Variants in ADAT3 observed in about 807,000 individuals in gnomAD.
ADAT3 encodes tRNA-specific adenosine-34 deaminase regulatory subunit ADAT3.
ADAT3 carries 2 observed loss-of-function variants against 3.5 expected under a neutral mutation model. The ratio of observed to expected loss-of-function variants is 0.57; its 90% CI spans 0.23 to 1.79. The LOEUF is 1.79. ADAT3 is among the 40% of genes most tolerant of loss of function. The probability of loss-of-function intolerance (pLI) is 0.18; values close to 1 mark genes in which losing one functional copy is unlikely to be tolerated. For missense variants in ADAT3, 735 were observed against 571.4 expected (o/e 1.29, Z -2.92); for synonymous variants, 358 against 270.3 (o/e 1.32, Z -3.18).
Position 1,908,243 on chromosome 19 carries a change from C to T in ADAT3, c.-159+2804C>T, listed in dbSNP as rs555994594. ...GCGGCAGCACCTGGCGCTGCCTCCG[C>T]GCTTCCTGCTCCCGGCTCCCACTGC... On this transcript the variant is annotated intron_variant, in intron 1 of 1. Coordinates refer to ENST00000329478, the MANE Select transcript of ADAT3 (RefSeq NM_138422.4). The surrounding 1 kb of genome is among the most constrained non-coding windows in gnomAD (Gnocchi z 4.2). The T allele has an allele frequency of 1.4e-5, 4 of 285,710 alleles. No individual in the cohort carries two copies. Among genetic ancestry groups the T allele is most frequent in the African/African-American group, 2.3e-5 (1 of 43,216 alleles). 17.7% of individuals were successfully genotyped at this position (285,710 alleles called of 1,614,324 possible).
At position 1,911,979 on chromosome 19, in the gene ADAT3, C is replaced by T. The variant is rs2013474923; in HGVS notation, c.-69C>T. On this transcript the variant is annotated 5_prime_UTR_variant, in exon 2 of 2. Coordinates refer to ENST00000329478, the MANE Select transcript of ADAT3 (RefSeq NM_138422.4). ...GCCTCAGCTTTGGTGGCAGCACGCC[C>T]TGCCTTGTGGAGCCACGGCCTCCCG... is the stretch of plus-strand genomic sequence containing the variant. 3.5e-6 allele frequency: 5 copies of T among 1,409,310 alleles called. No homozygotes were observed. The highest frequency in any genetic ancestry group is 5.5e-5 in the East Asian group (2 of 36,472). The allele number at this position is 1,409,310 out of a possible 1,614,324, so 87.3% of individuals were successfully genotyped here. A position where few individuals can be genotyped will look rare whatever the true frequency, so the allele number is the denominator to read the frequency against.
rs1260689578 is a variant in ADAT3 at position 1,908,532 on chromosome 19, C to T, written c.-159+3093C>T. ...AGCGGGGATGTGTAGTCCAGGCTGG[C>T]AGTTCAGGATCACCCGGCTGGAGTC... On this transcript the variant is annotated intron_variant, in intron 1 of 1. Transcript: ENST00000329478. This position sits in a 1 kb window ranked among gnomAD's most constrained non-coding sequence, Gnocchi z 4.2. The T allele has an allele frequency of 2.1e-6, 1 of 471,044 alleles. No homozygotes were observed. The highest frequency in any genetic ancestry group is 2.0e-5 in the African/African-American group (1 of 50,096). 29.2% of individuals were successfully genotyped at this position (471,044 alleles called of 1,614,324 possible). A position where few individuals can be genotyped will look rare whatever the true frequency, so the allele number is the denominator to read the frequency against.
At chr19:1,909,360 G>GC (rs1280699527) in intron 1 of ADAT3, among the ~76,000 whole-genome samples, 3 of 152,204 alleles carry the variant, frequency 2.0e-5, no homozygotes, top group African/African-American at 7.2e-5. Flanking sequence ...CCCGCCTAGG[G>GC]CAGGCTCCCT....
chr19:1,912,400 G>A lies in ADAT3; in HGVS notation c.353G>A (p.Gly118Asp). The change falls in exon 2 of 2, where the codon GGC becomes GAC. Residue 118 changes from glycine (G) to aspartate (D), a missense_variant. Coordinates refer to ENST00000329478, the MANE Select transcript of ADAT3 (RefSeq NM_138422.4). The part of the protein sequence containing the change: ...MLLCLAGPAS[G>D]PRSLAELLPR... ...CTTTGCCTGGCTGGGCCGGCCTCGG[G>A]CCCGCGCTCGCTGGCTGAGCTCCTG... is the stretch of plus-strand genomic sequence containing the variant. 5.3e-6 allele frequency: 8 copies of A among 1,515,816 alleles called. No homozygotes were observed. Among genetic ancestry groups the A allele is most frequent in the Non-Finnish European group, 6.1e-6 (7 of 1,139,200 alleles). 93.9% of individuals were successfully genotyped at this position (1,515,816 alleles called of 1,614,324 possible). A position where few individuals can be genotyped will look rare whatever the true frequency, so the allele number is the denominator to read the frequency against.
In ADAT3 at chr19:1,912,595, C is replaced by G. The variant is rs139117131; in HGVS notation, c.548C>G (p.Thr183Arg). The change falls in exon 2 of 2, where the codon ACG becomes AGG. Residue 183 changes from threonine to arginine, a missense_variant. Physicochemically the swap from Thr to Arg is moderately conservative, Grantham distance 71. Coordinates refer to ENST00000329478, the MANE Select transcript of ADAT3 (RefSeq NM_138422.4). ...GCCCTGGCTGGGCGGCTCTTCTCCA[C>G]GCAGGAGCGCGCCGCCATGCAGAGC... ...TSALAGRLFSTQERAAMQSHM... is the reference protein window; with the variant it reads ...TSALAGRLFSRQERAAMQSHM... 6.7e-7 allele frequency: 1 copy of G among 1,489,538 alleles called. No individual in the cohort carries two copies. Among genetic ancestry groups the G allele is most frequent in the Non-Finnish European group, 8.9e-7 (1 of 1,126,428 alleles). The allele number at this position is 1,489,538 out of a possible 1,614,324, so 92.3% of individuals were successfully genotyped here. A position where few individuals can be genotyped will look rare whatever the true frequency, so the allele number is the denominator to read the frequency against.
Position 1,912,003 on chromosome 19 carries a change from C to A in ADAT3, c.-45C>A. 1 of 1,415,844 alleles carries A rather than the reference C, an allele frequency of 7.1e-7. No individual in the cohort carries two copies. Among genetic ancestry groups the A allele is most frequent in the Non-Finnish European group, 9.2e-7 (1 of 1,091,942 alleles). The allele number at this position is 1,415,844 out of a possible 1,614,324, so 87.7% of individuals were successfully genotyped here. Reference sequence around the variant, plus strand: ...CCTGCCTTGTGGAGCCACGGCCTCCCGGGACGGACTCCCCGGCTCTCCCCC... The same window carrying A: ...CCTGCCTTGTGGAGCCACGGCCTCCAGGGACGGACTCCCCGGCTCTCCCCC... On this transcript the variant is annotated 5_prime_UTR_variant, in exon 2 of 2. Coordinates refer to ENST00000329478, the MANE Select transcript of ADAT3 (RefSeq NM_138422.4).
Position 1,912,869 on chromosome 19 carries a change from G to T in ADAT3, c.822G>T (p.Gln274His), listed in dbSNP as rs376361991. 3 of 1,600,626 alleles carry T rather than the reference G, an allele frequency of 1.9e-6. No individual in the cohort carries two copies. Among genetic ancestry groups the T allele is most frequent in the Non-Finnish European group, 2.5e-6 (3 of 1,177,742 alleles). The change falls in exon 2 of 2, where the codon CAG becomes CAT. Residue 274 changes from glutamine (Q) to histidine (H), a missense_variant. Transcript: ENST00000329478. The stretch of plus-strand genomic sequence containing the variant: ...CCTTCGCCCCGGCCGCTGCCCCCCA[G>T]GCCGTCCGCGCAGGCGCCGTGCGTA... ...ACSFAPAAAPQAVRAGAVRKL... is the reference protein window; with the variant it reads ...ACSFAPAAAPHAVRAGAVRKL...
chr19:1,912,737 C>T lies in ADAT3; in HGVS notation c.690C>T (p.Cys230=), dbSNP rs772217622. 5.2e-6 allele frequency: 8 copies of T among 1,539,130 alleles called. No homozygotes were observed. Among genetic ancestry groups the T allele is most frequent in the Admixed American group, 1.9e-5 (1 of 52,170 alleles). ...GCGTGCTGGCCACCGGCCACGACTG[C>T]AGCTGCGCGGACAACCCCCTCCTGC... is the stretch of plus-strand genomic sequence containing the variant. ...SDRVLATGHD[C]SCADNPLLHA... Residue 230 remains cysteine (C), a synonymous_variant, in exon 2 of 2, where the codon TGC becomes TGT. Coordinates refer to ENST00000329478, the MANE Select transcript of ADAT3 (RefSeq NM_138422.4).
At chr19:1,911,179 AT>A (rs910257449) in intron 1 of ADAT3, among the ~76,000 whole-genome samples, 2 of 145,750 alleles carry the variant, frequency 1.4e-5, no homozygotes, top group African/African-American at 5.0e-5. Flanking sequence ...CCGGGTTTTC[AT>A]TTTTTTTTTG....
At chr19:1,910,260 G>A (rs146624364) in intron 1 of ADAT3, among the ~76,000 whole-genome samples, 243 of 152,350 alleles carry the variant, frequency 1.6e-3, no homozygotes, top group Admixed American at 3.0e-3. Context: ...TGCAACTCAC[G>A]CAGGCGTTGG....
intron 1 of ADAT3, among the ~76,000 whole-genome samples, chr19:1,909,584 GCAGCAGGGA>G (rs2013327852): frequency 1.0e-5 from 1 of 99,790 alleles, no homozygotes; most frequent in African/African-American, 5.2e-5. Flanking sequence ...ACCTGTGCCA[GCAGCAGGGA>G]TGTCCTCACC....
chr19:1,910,303 G>T (rs943605440), intron 1 of ADAT3, among the ~76,000 whole-genome samples: 13 of 152,216 alleles, frequency 8.5e-5, no homozygotes, highest in African/African-American at 2.9e-4. Context: ...GGGGGACCAA[G>T]GGTCCTGCTC....
intron 1 of ADAT3, chr19:1,906,216 T>G (rs1306433135): frequency 6.6e-6 from 1 of 151,986 alleles, no homozygotes; most frequent in Non-Finnish European, 1.5e-5. Context: ...AAAAATTAGC[T>G]GGGCGTGGTG....
Position 1,913,045 on chromosome 19 carries a change from TG to T in ADAT3, c.1001del (p.Gly334AlafsTer?). On this transcript the variant is annotated frameshift_variant, in exon 2 of 2. Transcript: ENST00000329478. LOFTEE classifies it high-confidence loss of function. ...FYGAPSPDGA[L>X]GTRFRIHARP... ...GGTGCGCCCTCGCCCGACGGCGCCCTGGGCACCCGCTTCCGCATCCACGCAC... is the reference window on the plus strand; with the variant it reads ...GGTGCGCCCTCGCCCGACGGCGCCCTGGCACCCGCTTCCGCATCCACGCAC... The T allele has an allele frequency of 6.2e-7, 1 of 1,603,700 alleles. No individual in the cohort carries two copies.
At chr19:1,911,594 G>A (rs1356404893) in intron 1 of ADAT3, among the ~76,000 whole-genome samples, 1 of 152,110 alleles carries the variant, frequency 6.6e-6, no homozygotes, top group Non-Finnish European at 1.5e-5. Flanking sequence ...CAGCCTGAAC[G>A]ACGTGGTGAA....
chr19:1,913,171 G>A lies in ADAT3; in HGVS notation c.*20G>A, dbSNP rs776238929. Reference sequence around the variant, plus strand: ...ACGTAGGCGCCGCCCTCCTGCCTCCGGACCCTTCCCGCTCCCGGCCGTGGG... The same window carrying A: ...ACGTAGGCGCCGCCCTCCTGCCTCCAGACCCTTCCCGCTCCCGGCCGTGGG... On this transcript the variant is annotated 3_prime_UTR_variant, in exon 2 of 2. Transcript: ENST00000329478. The A allele has an allele frequency of 4.1e-5, 62 of 1,504,542 alleles. No homozygotes were observed. The highest frequency in any genetic ancestry group is 7.7e-5 in the South Asian group (6 of 78,262). The allele number at this position is 1,504,542 out of a possible 1,614,324, so 93.2% of individuals were successfully genotyped here.
rs769360829 is a variant in ADAT3, at chr19:1,908,672, A to G, written c.-158-3218A>G. ...TTTAGGATTTTATTATTATTTATTTATTTGAAAAAAGGAACAGGGTCTCTC... is the reference window on the plus strand; with the variant it reads ...TTTAGGATTTTATTATTATTTATTTGTTTGAAAAAAGGAACAGGGTCTCTC... On this transcript the variant is annotated intron_variant, in intron 1 of 1. Transcript: ENST00000329478. The surrounding 1 kb of genome is among the most constrained non-coding windows in gnomAD (Gnocchi z 4.2). 6.9e-6 allele frequency: 3 copies of G among 436,608 alleles called. No individual in the cohort carries two copies. The highest frequency in any genetic ancestry group is 3.3e-5 in the South Asian group (2 of 60,250). 27.0% of individuals were successfully genotyped at this position (436,608 alleles called of 1,614,324 possible). A position where few individuals can be genotyped will look rare whatever the true frequency, so the allele number is the denominator to read the frequency against.
At chr19:1,905,719 T>C in intron 1 of ADAT3, 1 of 152,736 alleles carries the variant, frequency 6.5e-6, no homozygotes, top group Non-Finnish European at 1.5e-5. Context: ...TGTGCGCCCT[T>C]ATGGTCGGTG....
intron 1 of ADAT3, chr19:1,905,898 C>G (rs547771781): frequency 2.6e-5 from 4 of 152,370 alleles, no homozygotes; most frequent in Non-Finnish European, 4.4e-5. Flanking sequence ...TGGTACATCC[C>G]CAGAATTGAC....
Sources: allele counts gnomAD v4.1 joint callset (sites outside exome capture counted in the v4.1 genomes callset), GRCh38; gene constraint gnomAD v4.1.1; non-coding constraint Gnocchi (gnomAD v3.1); transcripts MANE v1.5; gene names NCBI Gene and HGNC (gene_info 2026-07-23, HGNC 2026-07-21).